The following CFAP20DC variants were observed in gnomAD, a reference collection of about 807,000 sequenced individuals.
The protein encoded by CFAP20DC is protein CFAP20DC.
A neutral mutation model predicts 101.7 loss-of-function variants in CFAP20DC; 84 were observed. The ratio of observed to expected loss-of-function variants is 0.83; its 90% confidence interval spans 0.69 to 0.99. The LOEUF (loss-of-function observed/expected upper bound fraction) is 0.99. Among genes scored for constraint, CFAP20DC ranks in the 50% least tolerant of loss-of-function variants. CFAP20DC has a pLI of 0.00. For missense variants in CFAP20DC, 1,007 were observed against 970.3 expected (o/e 1.04, Z -0.50); for synonymous variants, 359 against 351.2 (o/e 1.02, Z -0.25).
At chr3:58,907,158 G>A (rs1195118495) in intron 6 of CFAP20DC, among the ~76,000 whole-genome samples, 1 of 151,954 alleles carries the variant, frequency 6.6e-6, no homozygotes, top group African/African-American at 2.4e-5. Context: ...TTCATTTAAT[G>A]AAACAATCAG....
chr3:58,991,641 G>A (rs1559955129), intron 4 of CFAP20DC, among the ~76,000 whole-genome samples: 1 of 152,138 alleles, frequency 6.6e-6, no homozygotes, highest in Non-Finnish European at 1.5e-5. Context: ...TTCCACCTGA[G>A]ATCTCAGGCA....
chr3:58,819,835 G>A (rs371084328), intron 14 of CFAP20DC, among the ~76,000 whole-genome samples: 2,263 of 140,044 alleles, frequency 0.016, 37 homozygotes, highest in East Asian at 0.14. Context: ...CAGAGACACA[G>A]CCAAAAAAGA....
At chr3:58,746,364 C>T (rs1318833923) in intron 16 of CFAP20DC, among the ~76,000 whole-genome samples, 2 of 152,090 alleles carry the variant, frequency 1.3e-5, no homozygotes, top group African/African-American at 4.8e-5. Context: ...ACCTCTGGCA[C>T]GTAAGAGTTA....
chr3:58,977,207 T>C (rs2092315606), intron 4 of CFAP20DC, among the ~76,000 whole-genome samples: 4 of 152,230 alleles, frequency 2.6e-5, no homozygotes, highest in Admixed American at 2.6e-4. Context: ...GAGAAATTAC[T>C]GTAGTTTCTT....
At chr3:59,020,866 A>G (rs1198346552) in intron 4 of CFAP20DC, among the ~76,000 whole-genome samples, 3 of 152,124 alleles carry the variant, frequency 2.0e-5, no homozygotes, top group Non-Finnish European at 4.4e-5. Context: ...TAGTCACCCT[A>G]TAGATAAAGC....
chr3:58,974,887 C>A (rs2092183547), intron 4 of CFAP20DC, among the ~76,000 whole-genome samples: 1 of 152,126 alleles, frequency 6.6e-6, no homozygotes, highest in South Asian at 2.1e-4. Context: ...GTTCTCCTGT[C>A]CAGCCCACCA....
chr3:58,910,415 T>C (rs1200021880), intron 6 of CFAP20DC, among the ~76,000 whole-genome samples: 1 of 152,182 alleles, frequency 6.6e-6, no homozygotes, highest in Non-Finnish European at 1.5e-5. Flanking sequence ...AATTTTTCCT[T>C]AGACTTTTAA....
chr3:58,766,200 AG>A (rs201846484), intron 15 of CFAP20DC, among the ~76,000 whole-genome samples: 2,039 of 152,330 alleles, frequency 0.013, 38 homozygotes, highest in African/African-American at 0.045. Context: ...CTGCAAAAAC[AG>A]GCATAAACAA....
chr3:58,806,790 G>A (rs1452771980), intron 14 of CFAP20DC, among the ~76,000 whole-genome samples: 1 of 152,214 alleles, frequency 6.6e-6, no homozygotes, highest in Admixed American at 6.5e-5. Flanking sequence ...GAAGCGCAAG[G>A]GATCAGGGAG....
At chr3:59,048,011 A>G (rs1425215357) in intron 1 of CFAP20DC, among the ~76,000 whole-genome samples, 1 of 152,240 alleles carries the variant, frequency 6.6e-6, no homozygotes, top group African/African-American at 2.4e-5. Flanking sequence ...TAAGAGAAAT[A>G]AAATATTGTG....
chr3:58,770,205 G>T (rs1046887515), intron 15 of CFAP20DC, among the ~76,000 whole-genome samples: 1 of 152,142 alleles, frequency 6.6e-6, no homozygotes. Context: ...TCAAGAATAC[G>T]TGAACAGTAA....
At chr3:58,974,891 C>A (rs529651009) in intron 4 of CFAP20DC, among the ~76,000 whole-genome samples, 4 of 152,258 alleles carry the variant, frequency 2.6e-5, no homozygotes, top group African/African-American at 9.6e-5. Flanking sequence ...TCCTGTCCAG[C>A]CCACCACCAC....
At chr3:58,842,428 C>T (rs1009710208) in intron 13 of CFAP20DC, among the ~76,000 whole-genome samples, 3 of 152,156 alleles carry the variant, frequency 2.0e-5, no homozygotes, top group Non-Finnish European at 4.4e-5. Context: ...AATCGGGTCA[C>T]TCCCACCCGA....
Position 58,811,297 on chromosome 3 carries a change from G to T in CFAP20DC, c.2176-4841C>A, listed in dbSNP as rs551670430. Among the ~76,000 whole-genome samples the T allele has an allele frequency of 1.1e-3, 173 of 152,168 alleles. 1 individual carries two copies. Among genetic ancestry groups the T allele is most frequent in the Admixed American group, 4.1e-3 (63 of 15,264 alleles). ...GCTGGAGGCATCACGTTACCTGACT[G>T]CAAAGTATACTACAAGGCTACAGTA... On this transcript the variant is annotated intron_variant, in intron 14 of 16. Coordinates refer to ENST00000482387, the MANE Select transcript of CFAP20DC (RefSeq NM_001394063.1).
In CFAP20DC at chr3:58,849,392, C is replaced by G; in HGVS notation, c.1611G>C (p.Gln537His). 6.5e-7 allele frequency: 1 copy of G among 1,531,998 alleles called. No homozygotes were observed. The highest frequency in any genetic ancestry group is 1.2e-5 in the South Asian group (1 of 82,970). The allele number at this position is 1,531,998 out of a possible 1,614,324, so 94.9% of individuals were successfully genotyped here. The change falls in exon 13 of 17, where the codon CAG becomes CAC. Residue 537 changes from glutamine (Q) to histidine (H), a missense_variant. Transcript: ENST00000482387. ...GACCAGTTGTTGGGCCTCGAGAACCCTGGATACTGTGGTTACCCTATGTTG... is the reference window on the plus strand; with the variant it reads ...GACCAGTTGTTGGGCCTCGAGAACCGTGGATACTGTGGTTACCCTATGTTG... ...DSSEEGNHSI[Q>H]GSRGPTTGPS...
At chr3:58,957,634 A>G (rs2090760571) in intron 4 of CFAP20DC, among the ~76,000 whole-genome samples, 2 of 152,208 alleles carry the variant, frequency 1.3e-5, no homozygotes, top group South Asian at 4.1e-4. Flanking sequence ...GGATAAAGAC[A>G]ATGTGGTACT....
At chr3:58,926,545 T>G (rs1176315237) in intron 5 of CFAP20DC, among the ~76,000 whole-genome samples, 2 of 152,282 alleles carry the variant, frequency 1.3e-5, no homozygotes, top group African/African-American at 4.8e-5. Flanking sequence ...TAAACGACCT[T>G]TTGTCTGAAT....
In CFAP20DC at chr3:58,868,143, GA is replaced by G. The variant is rs2079848232; in HGVS notation, c.1016-208del. Among the ~76,000 whole-genome samples, 1 of 152,090 alleles carries G rather than the reference GA, an allele frequency of 6.6e-6. No homozygotes were observed. The highest frequency in any genetic ancestry group is 6.6e-5 in the Admixed American group (1 of 15,262). ...ATCCTATCAGGCTTTCAAAATTACT[GA>G]AACACTTTATTCATGTAATATAACC... On this transcript the variant is annotated intron_variant, in intron 9 of 16. Transcript: ENST00000482387. The surrounding 1 kb of genome is among the most constrained non-coding windows in gnomAD (Gnocchi z 4.6).
At chr3:58,890,431 G>T (rs1432406192) in intron 6 of CFAP20DC, among the ~76,000 whole-genome samples, 1 of 141,092 alleles carries the variant, frequency 7.1e-6, no homozygotes, top group South Asian at 2.2e-4. Context: ...TGGCCGGGCG[G>T]GGGGGCTGAC....
Sources: allele counts gnomAD v4.1 joint callset (sites outside exome capture counted in the v4.1 genomes callset), GRCh38; gene constraint gnomAD v4.1.1; non-coding constraint Gnocchi (gnomAD v3.1); transcripts MANE v1.5; gene names NCBI Gene and HGNC (gene_info 2026-07-23, HGNC 2026-07-21).